The following SH2D1A variants were observed in gnomAD, a reference collection of about 807,000 sequenced individuals.
The protein encoded by SH2D1A is SH2 domain-containing protein 1A.
Under a neutral mutation model 10.1 loss-of-function variants are expected in SH2D1A, and 6 were observed. The ratio of observed to expected loss-of-function variants is 0.60; its 90% CI spans 0.33 to 1.18. The LOEUF (loss-of-function observed/expected upper bound fraction) is 1.18, where lower values mean the gene tolerates loss of function less well. Ranked by LOEUF, SH2D1A falls within the 50% of genes most tolerant of loss-of-function variation. SH2D1A has a pLI of 0.04. For synonymous variants in SH2D1A, 42 were observed against 36.9 expected, an observed-to-expected ratio of 1.14 and a Z score of -0.51; for missense variants, 51 against 97.6, an observed-to-expected ratio of 0.52 and a Z score of 2.01.
intron 3 of SH2D1A, among the ~76,000 whole-genome samples, chrX:124,370,852 T>C (rs2060067544): frequency 8.9e-6 from 1 of 112,227 alleles, no homozygotes; most frequent in African/African-American, 3.2e-5. Flanking sequence ...TGGCACATAT[T>C]GTTACATATC....
intron 1 of SH2D1A, among the ~76,000 whole-genome samples, chrX:124,356,270 A>C (rs1263146515): frequency 9.1e-6 from 1 of 110,349 alleles, no homozygotes; most frequent in Non-Finnish European, 1.9e-5. Flanking sequence ...TCCATGGTGT[A>C]TATGTGCCAC....
intron 1 of SH2D1A, among the ~76,000 whole-genome samples, chrX:124,352,163 G>T: frequency 9.0e-6 from 1 of 110,831 alleles, no homozygotes; most frequent in Non-Finnish European, 1.9e-5. Context: ...AATTCCATTT[G>T]GAGTTGTATT....
At chrX:124,364,153 A>G (rs2147530105) in intron 1 of SH2D1A, among the ~76,000 whole-genome samples, 1 of 110,548 alleles carries the variant, frequency 9.0e-6, no homozygotes, top group South Asian at 3.9e-4. Context: ...ATATCATAGG[A>G]GATGACAGCT....
chrX:124,359,761 G>A (rs1488770504), intron 1 of SH2D1A, among the ~76,000 whole-genome samples: 1 of 111,779 alleles, frequency 8.9e-6, no homozygotes, highest in Non-Finnish European at 1.9e-5. Flanking sequence ...GCAATCCTTC[G>A]TAAAAAATAA....
rs1025735761 is a variant in SH2D1A at position 124,372,595 on chromosome X, C to T, written c.*1204C>T. The T allele has an allele frequency of 6.5e-5, 11 of 168,974 alleles. No individual in the cohort carries two copies. The highest frequency in any genetic ancestry group is 2.1e-4 in the African/African-American group (7 of 33,588). The allele number at this position is 168,974 out of a possible 1,213,427, so 13.9% of individuals were successfully genotyped here. A position where few individuals can be genotyped will look rare whatever the true frequency, so the allele number is the denominator to read the frequency against. On this transcript the variant is annotated 3_prime_UTR_variant, in exon 4 of 4. Transcript: ENST00000371139. ...TAAGTACATGATAAGCGAGGTTCCC[C>T]GTGTGTAGGTAGATCTGGTCTTTAG...
At chrX:124,362,069 A>G (rs768895964) in intron 1 of SH2D1A, among the ~76,000 whole-genome samples, 9 of 112,057 alleles carry the variant, frequency 8.0e-5, no homozygotes, top group Non-Finnish European at 1.5e-4. Context: ...ACCAGTTTGG[A>G]CCAAAGAGAA....
intron 1 of SH2D1A, among the ~76,000 whole-genome samples, chrX:124,361,436 G>C (rs186902202): frequency 4.5e-5 from 5 of 112,154 alleles, no homozygotes; most frequent in African/African-American, 1.6e-4. Context: ...GACCAATACA[G>C]ATTTTGGTAC....
intron 2 of SH2D1A, among the ~76,000 whole-genome samples, chrX:124,368,489 T>A (rs1926952634): frequency 8.9e-6 from 1 of 111,937 alleles, no homozygotes; most frequent in African/African-American, 3.2e-5. Context: ...GCTAAAAAGA[T>A]GTGTGGTTTG....
rs78928986 is a variant in SH2D1A, at chrX:124,355,511, C to CA, written c.137+8737dup. On this transcript the variant is annotated intron_variant, in intron 1 of 3. Transcript: ENST00000371139. ...GATACATTTTAAACTCTAGGATTAT[C>CA]AAAAAGTCCAAAAAAGCTTTAATGA... 7.9e-4 allele frequency among the ~76,000 whole-genome samples: 88 copies of CA among 111,473 alleles called. 1 individual carries two copies. In the East Asian group the frequency reaches 0.022, roughly 28 times the overall value.
intron 2 of SH2D1A, 128 bp downstream of exon 2, chrX:124,365,952 C>G: frequency 2.1e-6 from 1 of 486,959 alleles, no homozygotes; most frequent in Non-Finnish European, 3.7e-6. Context: ...AGCTCCAATC[C>G]AAAATTGTTC....
In SH2D1A at chrX:124,350,192, TAAATATATAATATA is replaced by T. The variant is rs1166410189; in HGVS notation, c.137+3428_137+3441del. ...ATAAATATCTAATATATATAATATA[TAAATATATAATATA>T]AAATATATAATATATAAATATATAT... On this transcript the variant is annotated intron_variant, in intron 1 of 3. Transcript: ENST00000371139. 4.2e-4 allele frequency among the ~76,000 whole-genome samples: 27 copies of T among 64,093 alleles called. 1 individual carries two copies. The highest frequency in any genetic ancestry group is 7.4e-4 in the Non-Finnish European group (27 of 36,613). 55.7% of individuals were successfully genotyped at this position (64,093 alleles called of 115,157 possible).
At chrX:124,350,485 A>C (rs1369201057) in intron 1 of SH2D1A, among the ~76,000 whole-genome samples, 1 of 38,096 alleles carries the variant, frequency 2.6e-5, no homozygotes, top group Non-Finnish European at 4.2e-5. Context: ...ATAAATATAT[A>C]TTATATACTA....
At chrX:124,347,838 G>A (rs1603236629) in intron 1 of SH2D1A, among the ~76,000 whole-genome samples, 2 of 110,261 alleles carry the variant, frequency 1.8e-5, no homozygotes, top group Middle Eastern at 4.7e-3. Flanking sequence ...GAATCATGGG[G>A]GCATTTCTAA....
rs1254198116 is a variant in SH2D1A at position 124,358,249 on chromosome X, A to AT, written c.138-7505dup. 6.3e-5 allele frequency among the ~76,000 whole-genome samples: 7 copies of AT among 110,747 alleles called. No individual in the cohort carries two copies. The East Asian group carries it at 8.5e-4, about 13-fold the overall frequency. On this transcript the variant is annotated intron_variant, in intron 1 of 3. Transcript: ENST00000371139. ...ATTTAGGGGTGCTTAGGTTAGTTCC[A>AT]TTTTTTTCACTATTAAAATAGGGCT...
intron 1 of SH2D1A, among the ~76,000 whole-genome samples, chrX:124,352,305 T>G (rs1270580770): frequency 9.0e-6 from 1 of 111,678 alleles, no homozygotes; most frequent in African/African-American, 3.2e-5. Context: ...AATTCTTATA[T>G]ATAACAGTTA....
intron 1 of SH2D1A, among the ~76,000 whole-genome samples, chrX:124,351,847 G>A (rs940549757): frequency 3.7e-5 from 4 of 109,506 alleles, no homozygotes; most frequent in Non-Finnish European, 5.7e-5. Context: ...GTATCCTTTC[G>A]AAGTTTGGTG....
At chrX:124,350,645 GATATA>G (rs1439416786) in intron 1 of SH2D1A, among the ~76,000 whole-genome samples, 8 of 40,059 alleles carry the variant, frequency 2.0e-4, no homozygotes, top group Admixed American at 1.0e-3. Flanking sequence ...TTGTATATAA[GATATA>G]ATATATTATA....
At chrX:124,366,877 ACACAC>A (rs1569527611) in intron 2 of SH2D1A, among the ~76,000 whole-genome samples, 1 of 22,874 alleles carries the variant, frequency 4.4e-5, no homozygotes, top group African/African-American at 3.8e-4. Context: ...ATACTGACAA[ACACAC>A]ACACACACAC....
intron 2 of SH2D1A, among the ~76,000 whole-genome samples, chrX:124,366,234 A>G (rs752478015): frequency 1.8e-5 from 2 of 111,253 alleles, no homozygotes; most frequent in Non-Finnish European, 3.8e-5. Context: ...TTGGGAAGTT[A>G]TAACTTGAAA....
Sources: allele counts gnomAD v4.1 joint callset (sites outside exome capture counted in the v4.1 genomes callset), GRCh38; gene constraint gnomAD v4.1.1; transcripts MANE v1.5; gene names NCBI Gene and HGNC (gene_info 2026-07-23, HGNC 2026-07-21).